Variants in L3HYPDH observed in about 807,000 individuals in gnomAD.
The protein encoded by L3HYPDH is trans-3-hydroxy-L-proline dehydratase.
Under a neutral mutation model 26.5 loss-of-function variants are expected in L3HYPDH, and 32 were observed. The observed-to-expected ratio is 1.21, with a 90% CI of 0.91 to 1.62. The LOEUF is 1.62. Among genes scored for constraint, L3HYPDH ranks in the 40% most tolerant of loss-of-function variants. The pLI is 0.00. For missense variants in L3HYPDH, 554 were observed against 476.4 expected (o/e 1.16, Z -1.52); for synonymous variants, 215 against 196.6 (o/e 1.09, Z -0.78).
At chr14:59,465,761 C>G (rs527319471) in intron 1 of L3HYPDH, among the ~76,000 whole-genome samples, 3 of 152,282 alleles carry the variant, frequency 2.0e-5, no homozygotes, top group Admixed American at 2.0e-4. Context: ...ATCCAGAAGT[C>G]TACATCCAGA....
chr14:59,471,277 G>C (rs1253160778), downstream of L3HYPDH, among the ~76,000 whole-genome samples: 1 of 152,168 alleles, frequency 6.6e-6, no homozygotes, highest in Non-Finnish European at 1.5e-5. Context: ...TCTTATTAAA[G>C]TACTATATCC....
the L3HYPDH span, among the ~76,000 whole-genome samples, chr14:59,496,086 T>TAG: frequency 6.6e-6 from 1 of 152,144 alleles, no homozygotes; most frequent in South Asian, 2.1e-4. Flanking sequence ...GTATTTTTAG[T>TAG]AGAGAGACGG....
intron 1 of L3HYPDH, among the ~76,000 whole-genome samples, chr14:59,480,680 T>C (rs564981140): frequency 6.4e-4 from 97 of 152,242 alleles, no homozygotes; most frequent in Non-Finnish European, 1.2e-3. Context: ...AGTATGCTAT[T>C]AGTCCACACT....
the L3HYPDH span, among the ~76,000 whole-genome samples, chr14:59,497,203 C>G: frequency 1.3e-5 from 2 of 152,018 alleles, no homozygotes; most frequent in African/African-American, 4.8e-5. Flanking sequence ...AACATGTAAG[C>G]TTCTATCATT....
intron 2 of L3HYPDH, among the ~76,000 whole-genome samples, chr14:59,477,494 T>C (rs565927737): frequency 1.1e-4 from 16 of 152,348 alleles, no homozygotes; most frequent in African/African-American, 3.8e-4. Context: ...CCTTGCCATC[T>C]TGTTGAGTTC....
At chr14:59,502,222 G>T in the L3HYPDH span, among the ~76,000 whole-genome samples, 6 of 151,966 alleles carry the variant, frequency 3.9e-5, no homozygotes, top group African/African-American at 7.2e-5. Flanking sequence ...TTAAATGATT[G>T]CTTTTAAATA....
the L3HYPDH span, among the ~76,000 whole-genome samples, chr14:59,493,594 CAA>C: frequency 6.6e-6 from 1 of 151,960 alleles, no homozygotes; most frequent in Non-Finnish European, 1.5e-5. Context: ...TTAGAAATAA[CAA>C]GACAGTTTAA....
chr14:59,465,670 T>TGG (rs113686847), intron 1 of L3HYPDH, among the ~76,000 whole-genome samples: 19 of 150,896 alleles, frequency 1.3e-4, no homozygotes, highest in African/African-American at 3.9e-4. Context: ...TGGGGAGTGG[T>TGG]GGGGGGGGCA....
At chr14:59,487,720 C>T, upstream of L3HYPDH, 4 of 1,613,216 alleles carry the variant, frequency 2.5e-6, no homozygotes, top group Non-Finnish European at 3.4e-6. Context: ...TATTGTCAGC[C>T]TTGCACAGAA....
intron 1 of L3HYPDH, among the ~76,000 whole-genome samples, chr14:59,466,819 T>C (rs1025999411): frequency 1.3e-5 from 2 of 152,128 alleles, no homozygotes; most frequent in Non-Finnish European, 2.9e-5. Context: ...CATCTATACA[T>C]TGTATGATGT....
At chr14:59,479,399 T>C in intron 1 of L3HYPDH, 48 bp from the exon 2 acceptor site, 2 of 1,492,372 alleles carry the variant, frequency 1.3e-6, no homozygotes, top group Non-Finnish European at 1.8e-6. Context: ...TTAATAAGTA[T>C]TTTAGCAATA....
chr14:59,476,988 A>G (rs1298015006), intron 2 of L3HYPDH, among the ~76,000 whole-genome samples: 1 of 152,192 alleles, frequency 6.6e-6, no homozygotes, highest in Non-Finnish European at 1.5e-5. Context: ...TATGCTTACA[A>G]TTAGTACTTT....
chr14:59,486,717 C>G (rs1259546422), upstream of L3HYPDH: 1 of 1,580,090 alleles, frequency 6.3e-7, no homozygotes, highest in South Asian at 1.2e-5. Context: ...AAAAAGCTGT[C>G]GATATTCAAC....
chr14:59,484,580 C>T, upstream of L3HYPDH: 1 of 1,575,674 alleles, frequency 6.3e-7, no homozygotes, highest in Non-Finnish European at 8.6e-7. Flanking sequence ...AAAAAACCTT[C>T]AGGCGGCCCA....
chr14:59,484,677 G>T, upstream of L3HYPDH: 6 of 1,495,056 alleles, frequency 4.0e-6, no homozygotes, highest in South Asian at 7.2e-5. Flanking sequence ...TCGGCTCTTT[G>T]TAGGCGGCCT....
intron 2 of L3HYPDH, among the ~76,000 whole-genome samples, chr14:59,476,705 A>G (rs1471270863): frequency 1.3e-5 from 2 of 152,236 alleles, no homozygotes; most frequent in Admixed American, 6.5e-5. Context: ...AGGATATAAC[A>G]TTCTGTAAGA....
downstream of L3HYPDH, among the ~76,000 whole-genome samples, chr14:59,469,634 C>T (rs1889266686): frequency 6.7e-6 from 1 of 148,476 alleles, no homozygotes; most frequent in African/African-American, 2.5e-5. Flanking sequence ...TGGAGAAATC[C>T]ACAGCTATCC....
chr14:59,468,274 A>T (rs1594901671), downstream of L3HYPDH, among the ~76,000 whole-genome samples: 1 of 152,256 alleles, frequency 6.6e-6, no homozygotes, highest in East Asian at 1.9e-4. Context: ...TAAGGACCCC[A>T]ATCCTTAATA....
chr14:59,486,759 C>A (rs1160031671), upstream of L3HYPDH: 1 of 1,595,674 alleles, frequency 6.3e-7, no homozygotes, highest in South Asian at 1.1e-5. Context: ...GTGGGAAGAC[C>A]CTATTATTTA....
Sources: allele counts gnomAD v4.1 joint callset (sites outside exome capture counted in the v4.1 genomes callset), GRCh38; gene constraint gnomAD v4.1.1; transcripts MANE v1.5; gene names NCBI Gene and HGNC (gene_info 2026-07-23, HGNC 2026-07-21).